Variants in STK4 observed in about 807,000 individuals in gnomAD.
STK4 encodes serine/threonine-protein kinase 4.
A neutral mutation model predicts 64.9 loss-of-function variants in STK4; 30 were observed. That is an observed-to-expected ratio of 0.46 (90% CI 0.35 to 0.63). The LOEUF is 0.63. Among genes scored for constraint, STK4 ranks in the 20% least tolerant of loss-of-function variants. The pLI is 0.01. For missense variants in STK4, 466 were observed against 598.5 expected (o/e 0.78, Z 2.31); for synonymous variants, 177 against 199.0 (o/e 0.89, Z 0.93).
At chr20:45,039,859 C>A (rs1428714061) in intron 10 of STK4, among the ~76,000 whole-genome samples, 1 of 151,982 alleles carries the variant, frequency 6.6e-6, no homozygotes, top group African/African-American at 2.4e-5. Context: ...CAGTTTTAGC[C>A]CCCACTGCTT....
chr20:44,971,953 A>G, intron 1 of STK4, 125 bp from the exon 2 acceptor site: 1 of 846,032 alleles, frequency 1.2e-6, no homozygotes, highest in South Asian at 1.7e-5. Flanking sequence ...TTCTTAAAAC[A>G]GTCTTAACTA....
At position 45,004,755 on chromosome 20, in the gene STK4, CTTTTT is replaced by C. The variant is rs1285811006; in HGVS notation, c.1147+3409_1147+3413del. Among the ~76,000 whole-genome samples the C allele has an allele frequency of 2.2e-3, 308 of 143,134 alleles. 1 individual carries two copies. Among genetic ancestry groups the C allele is most frequent in the African/African-American group, 7.7e-3 (302 of 39,148 alleles). 93.9% of individuals were successfully genotyped at this position (143,134 alleles called of 152,430 possible). A position where few individuals can be genotyped will look rare whatever the true frequency, so the allele number is the denominator to read the frequency against. The stretch of plus-strand genomic sequence containing the variant: ...TTTGTCATGAAATCCTTTTTTTCTC[CTTTTT>C]TTTTTTCTTTTTTCTTTTTTTTTTT... On this transcript the variant is annotated intron_variant, in intron 9 of 10. Transcript: ENST00000372806.
chr20:44,987,955 G>A (rs2067559486), intron 5 of STK4, among the ~76,000 whole-genome samples: 1 of 151,614 alleles, frequency 6.6e-6, no homozygotes. Flanking sequence ...TTTAGAACTG[G>A]TGTTATGTAC....
intron 10 of STK4, among the ~76,000 whole-genome samples, chr20:45,063,308 T>C (rs923840012): frequency 6.6e-6 from 1 of 152,074 alleles, no homozygotes; most frequent in Non-Finnish European, 1.5e-5. Context: ...CCTGGCCTCA[T>C]TGTGGTTTTC....
At chr20:44,970,366 G>A (rs931230638) in intron 1 of STK4, among the ~76,000 whole-genome samples, 2 of 152,056 alleles carry the variant, frequency 1.3e-5, no homozygotes, top group Non-Finnish European at 2.9e-5. Flanking sequence ...TTTGCATTTT[G>A]TAAACCACAG....
At chr20:45,029,030 A>G (rs1050545157) in intron 10 of STK4, among the ~76,000 whole-genome samples, 2 of 152,198 alleles carry the variant, frequency 1.3e-5, no homozygotes, top group African/African-American at 2.4e-5. Context: ...ACTGGCAGCA[A>G]CCAGCTCACA....
chr20:45,002,401 G>T (rs1460802649), intron 9 of STK4, among the ~76,000 whole-genome samples: 2 of 152,078 alleles, frequency 1.3e-5, no homozygotes, highest in Admixed American at 1.3e-4. Flanking sequence ...GATAGTTTTA[G>T]CATGTCTAAT....
chr20:45,063,613 G>A (rs1700976703), intron 10 of STK4, among the ~76,000 whole-genome samples: 1 of 152,054 alleles, frequency 6.6e-6, no homozygotes. Context: ...TTCATTTGTT[G>A]ATTTTTGTTT....
intron 9 of STK4, among the ~76,000 whole-genome samples, 161 bp downstream of exon 9, chr20:45,001,514 G>T (rs1354325637): frequency 2.0e-5 from 3 of 152,202 alleles, no homozygotes; most frequent in Non-Finnish European, 4.4e-5. Context: ...AGGAGGTTTG[G>T]TGAGGGGGAA....
At chr20:45,035,159 A>G (rs2068507771) in intron 10 of STK4, among the ~76,000 whole-genome samples, 1 of 152,160 alleles carries the variant, frequency 6.6e-6, no homozygotes, top group South Asian at 2.1e-4. Flanking sequence ...ATTTCTATGT[A>G]TATGCACACA....
intron 10 of STK4, among the ~76,000 whole-genome samples, chr20:45,053,514 G>A (rs1403324343): frequency 6.6e-6 from 1 of 152,216 alleles, no homozygotes; most frequent in Non-Finnish European, 1.5e-5. Context: ...GTGAGAAAAA[G>A]AGCTGAGTCC....
chr20:45,066,950 T>G (rs1412236950), intron 10 of STK4, among the ~76,000 whole-genome samples: 1 of 152,170 alleles, frequency 6.6e-6, no homozygotes, highest in Non-Finnish European at 1.5e-5. Context: ...TTTTTCTGCT[T>G]GGCTTTCTGT....
chr20:45,025,207 T>C, intron 10 of STK4, 77 bp downstream of exon 10: 1 of 1,502,062 alleles, frequency 6.7e-7, no homozygotes, highest in South Asian at 1.3e-5. Flanking sequence ...GCCCAAGCAT[T>C]TTCTTGTGCA....
At chr20:45,071,433 T>C (rs1980058182) in intron 10 of STK4, among the ~76,000 whole-genome samples, 2 of 152,200 alleles carry the variant, frequency 1.3e-5, no homozygotes, top group Non-Finnish European at 2.9e-5. Context: ...AAAATCCATA[T>C]CTGGATGATA....
chr20:44,984,190 T>TTTG (rs2067490008), intron 4 of STK4, among the ~76,000 whole-genome samples: 1 of 130,596 alleles, frequency 7.7e-6, no homozygotes, highest in African/African-American at 2.9e-5. Context: ...GTCGTTGTTT[T>TTTG]TTTTTTTTTT....
intron 10 of STK4, among the ~76,000 whole-genome samples, chr20:45,034,748 A>G (rs2068499392): frequency 1.3e-5 from 2 of 152,020 alleles, no homozygotes; most frequent in Non-Finnish European, 2.9e-5. Flanking sequence ...CCCCATCTCT[A>G]CAAAAAAAAG....
chr20:45,047,233 C>T (rs575671766), intron 10 of STK4, among the ~76,000 whole-genome samples: 47 of 152,214 alleles, frequency 3.1e-4, no homozygotes, highest in Non-Finnish European at 6.5e-4. Flanking sequence ...TCTTATAGAT[C>T]TTATTCCCAC....
At chr20:45,064,117 G>C (rs978775946) in intron 10 of STK4, among the ~76,000 whole-genome samples, 2 of 152,032 alleles carry the variant, frequency 1.3e-5, no homozygotes, top group African/African-American at 4.8e-5. Context: ...CAAGGGGGGG[G>C]GTCCAGTTTT....
At chr20:45,034,965 GA>G (rs2068504430) in intron 10 of STK4, among the ~76,000 whole-genome samples, 2 of 151,804 alleles carry the variant, frequency 1.3e-5, no homozygotes, top group Non-Finnish European at 2.9e-5. Flanking sequence ...GTAGGATTAA[GA>G]AACATACCTA....
Sources: gnomAD v4.1 joint callset for allele counts (sites outside exome capture counted in the v4.1 genomes callset) on GRCh38, gnomAD v4.1.1 for gene constraint, MANE v1.5 for transcripts, NCBI Gene and HGNC (gene_info 2026-07-23, HGNC 2026-07-21) for gene names.